The following PCDH11X variants were observed in gnomAD, a reference collection of about 807,000 sequenced individuals.
The protein encoded by PCDH11X is protocadherin-11 X-linked.
Under a neutral mutation model 53.3 loss-of-function variants are expected in PCDH11X, and 18 were observed. The ratio of observed to expected loss-of-function variants is 0.34; its 90% CI spans 0.23 to 0.50. PCDH11X has a LOEUF of 0.50. Among genes scored for constraint, PCDH11X ranks in the 20% least tolerant of loss-of-function variants. The pLI is 0.98. For synonymous variants in PCDH11X, 279 were observed against 393.3 expected (o/e 0.71, Z 3.44); for missense variants, 570 against 1,032.4 (o/e 0.55, Z 6.14).
intron 10 of PCDH11X, among the ~76,000 whole-genome samples, chrX:92,531,439 A>T (rs1196293336): frequency 9.0e-6 from 1 of 111,528 alleles, no homozygotes; most frequent in African/African-American, 3.2e-5. Flanking sequence ...TAGTGAATTT[A>T]TGTGTTTAAT....
At chrX:92,406,357 C>A (rs1222375634) in intron 9 of PCDH11X, among the ~76,000 whole-genome samples, 1 of 106,410 alleles carries the variant, frequency 9.4e-6, no homozygotes, top group Non-Finnish European at 1.9e-5. Context: ...CTGATTTAAC[C>A]TGTTCATAAC....
chrX:92,232,872 C>T (rs970005164), intron 7 of PCDH11X, among the ~76,000 whole-genome samples: 8 of 111,316 alleles, frequency 7.2e-5, no homozygotes, highest in Non-Finnish European at 1.1e-4. Context: ...CCCGCCACCA[C>T]GCCCGGCTAA....
intron 6 of PCDH11X, among the ~76,000 whole-genome samples, chrX:91,967,285 G>A (rs1355113208): frequency 9.1e-6 from 1 of 110,175 alleles, no homozygotes; most frequent in African/African-American, 3.3e-5. Context: ...GTGGGCCATG[G>A]ACCGGTACCT....
chrX:92,262,962 A>G (rs1442772310), intron 7 of PCDH11X, 152 bp from the exon 8 acceptor site: 2 of 1,026,474 alleles, frequency 1.9e-6, no homozygotes, highest in Non-Finnish European at 2.5e-6. Flanking sequence ...TTTCAGCAGA[A>G]AAACAAAGCT....
At chrX:92,215,671 G>A (rs1337686709) in intron 7 of PCDH11X, among the ~76,000 whole-genome samples, 2 of 98,469 alleles carry the variant, frequency 2.0e-5, no homozygotes, top group Non-Finnish European at 4.1e-5. Context: ...AGACTTAAAT[G>A]TCCCTGTCTG....
rs752650236 is a variant in PCDH11X, at chrX:92,110,433, A to T, written c.3034-90942A>T. 2.8e-5 allele frequency among the ~76,000 whole-genome samples: 3 copies of T among 108,034 alleles called. No individual in the cohort carries two copies. The South Asian group carries it at 1.3e-3, about 46-fold the overall frequency. The allele number at this position is 108,034 out of a possible 115,157, so 93.8% of individuals were successfully genotyped here. On this transcript the variant is annotated intron_variant, in intron 6 of 10. Transcript: ENST00000682573. ...GGAGATTTATTTGCCAAAATTAAGG[A>T]TGCACCCGGGAGACAGGTCTACGCC...
rs1247222088 is a variant in PCDH11X at position 92,622,588 on chromosome X, CTT to C, written c.*3652_*3653del. On this transcript the variant is annotated 3_prime_UTR_variant, in exon 11 of 11. Transcript: ENST00000682573. ...CAAATTTATAGTTAGTTTAGGTAAA[CTT>C]TTTATTATGACCATTAGAAACTATT... 9.1e-6 allele frequency: 1 copy of C among 109,724 alleles called. No individual in the cohort carries two copies. The highest frequency in any genetic ancestry group is 1.9e-5 in the Non-Finnish European group (1 of 52,390). The allele number at this position is 109,724 out of a possible 1,213,427, so 9.0% of individuals were successfully genotyped here. A position where few individuals can be genotyped will look rare whatever the true frequency, so the allele number is the denominator to read the frequency against.
chrX:92,061,444 A>G (rs1366588327), intron 6 of PCDH11X, among the ~76,000 whole-genome samples: 1 of 109,114 alleles, frequency 9.2e-6, no homozygotes, highest in Non-Finnish European at 1.9e-5. Context: ...ATTGTCTTCC[A>G]GAGTTTTCAT....
At position 91,787,603 on chromosome X, in the gene PCDH11X, GA is replaced by G. The variant is rs1011389224; in HGVS notation, c.-379+7927del. Among the ~76,000 whole-genome samples the G allele has an allele frequency of 1.1e-4, 12 of 110,849 alleles. No homozygotes were observed. In the Middle Eastern group the frequency reaches 0.014, roughly 128 times the overall value. On this transcript the variant is annotated intron_variant, in intron 1 of 10. Transcript: ENST00000682573. ...GTTATTTCAAGGCCCTTTGCAAAGG[GA>G]AAAAAAATCCTGTGATATTTTACAA...
At chrX:92,406,291 T>A (rs5984183) in intron 9 of PCDH11X, among the ~76,000 whole-genome samples, 16,656 of 106,893 alleles carry the variant, frequency 0.16, 2,102 homozygotes, top group East Asian at 0.73. Flanking sequence ...AAAGAATAGA[T>A]ATATCTCATT....
intron 7 of PCDH11X, among the ~76,000 whole-genome samples, chrX:92,244,704 A>G (rs1012132858): frequency 9.0e-6 from 1 of 111,713 alleles, no homozygotes; most frequent in African/African-American, 3.3e-5. Context: ...TAGACTTAAG[A>G]ACAAAGTAGT....
chrX:91,900,970 C>T (rs2525174), intron 6 of PCDH11X, among the ~76,000 whole-genome samples: 6 of 111,241 alleles, frequency 5.4e-5, no homozygotes, highest in African/African-American at 2.0e-4. Context: ...AAAACTGTTC[C>T]TGTGTGTCTA....
chrX:92,543,530 T>C (rs941742712), intron 10 of PCDH11X, among the ~76,000 whole-genome samples: 2 of 106,946 alleles, frequency 1.9e-5, no homozygotes, highest in East Asian at 3.0e-4. Flanking sequence ...TTAAAAACAC[T>C]CTAAATAGAC....
At chrX:92,607,183 G>T (rs569757545) in intron 10 of PCDH11X, among the ~76,000 whole-genome samples, 8 of 108,256 alleles carry the variant, frequency 7.4e-5, no homozygotes, top group Admixed American at 3.0e-4. Context: ...GTTAATAAAA[G>T]CATTGTTCAT....
intron 6 of PCDH11X, among the ~76,000 whole-genome samples, chrX:92,153,077 C>T (rs1210605403): frequency 9.2e-5 from 10 of 108,180 alleles, no homozygotes; most frequent in Admixed American, 2.0e-4. Flanking sequence ...TGAGCCACCG[C>T]ACCTGGCCTC....
At chrX:92,450,031 C>A (rs2072747183) in intron 9 of PCDH11X, among the ~76,000 whole-genome samples, 1 of 110,848 alleles carries the variant, frequency 9.0e-6, no homozygotes, top group East Asian at 2.8e-4. Flanking sequence ...TTATAGAGTT[C>A]ATGAAATGGT....
intron 10 of PCDH11X, among the ~76,000 whole-genome samples, chrX:92,498,688 G>GA (rs1247288665): frequency 9.5e-6 from 1 of 105,621 alleles, no homozygotes; most frequent in Admixed American, 1.1e-4. Flanking sequence ...TGAGGCTGTT[G>GA]CAAACTATAA....
At chrX:92,216,028 G>A (rs1384785949) in intron 7 of PCDH11X, among the ~76,000 whole-genome samples, 1 of 110,530 alleles carries the variant, frequency 9.0e-6, no homozygotes, top group South Asian at 3.9e-4. Flanking sequence ...CAAACAGAAA[G>A]GACATCCACA....
chrX:92,376,954 C>T (rs1340425702), intron 8 of PCDH11X, among the ~76,000 whole-genome samples: 1 of 111,341 alleles, frequency 9.0e-6, no homozygotes, highest in Non-Finnish European at 1.9e-5. Flanking sequence ...TTTTTAAAAA[C>T]AGATAATTTT....
Sources: allele counts gnomAD v4.1 joint callset (sites outside exome capture counted in the v4.1 genomes callset), GRCh38; gene constraint gnomAD v4.1.1; transcripts MANE v1.5; gene names NCBI Gene and HGNC (gene_info 2026-07-23, HGNC 2026-07-21).